WWOX: variants seen among roughly 807,000 people sequenced by gnomAD.
WWOX encodes WW domain-containing oxidoreductase.
In WWOX, 69 loss-of-function variants were observed where a neutral mutation model predicts 46.2. The observed-to-expected ratio is 1.49, with a 90% CI of 1.23 to 1.82. WWOX has a LOEUF of 1.82. WWOX is among the 40% of genes most tolerant of loss of function. WWOX has a pLI of 0.00. For missense variants in WWOX, 919 were observed against 542.6 expected (o/e 1.69, Z -6.89); for synonymous variants, 359 against 202.6 (o/e 1.77, Z -6.56).
At chr16:78,588,300 C>T (rs897558746) in intron 8 of WWOX, among the ~76,000 whole-genome samples, 16 of 152,090 alleles carry the variant, frequency 1.1e-4, no homozygotes, top group South Asian at 8.3e-4. Context: ...GTTTTGGGTG[C>T]GGATAATGGA....
intron 5 of WWOX, among the ~76,000 whole-genome samples, chr16:78,323,099 C>G (rs1165590020): frequency 6.6e-6 from 1 of 151,770 alleles, no homozygotes; most frequent in Non-Finnish European, 1.5e-5. Flanking sequence ...ATTTGGGGTT[C>G]TTGTATTTTT....
At chr16:78,391,121 C>T (rs866366670) in intron 6 of WWOX, among the ~76,000 whole-genome samples, 20 of 152,270 alleles carry the variant, frequency 1.3e-4, no homozygotes, top group African/African-American at 3.4e-4. Flanking sequence ...TGGAACCACC[C>T]GCCGTCTGCC....
chr16:78,487,407 A>T (rs2084665106), intron 8 of WWOX, among the ~76,000 whole-genome samples: 1 of 152,150 alleles, frequency 6.6e-6, no homozygotes, highest in South Asian at 2.1e-4. Flanking sequence ...GAGATCTATT[A>T]AGGATGAGTC....
intron 6 of WWOX, among the ~76,000 whole-genome samples, chr16:78,413,688 G>A (rs942069639): frequency 2.1e-4 from 32 of 152,022 alleles, no homozygotes; most frequent in African/African-American, 7.2e-4. Flanking sequence ...CTTAGCCTGG[G>A]CTCAGAGGCC....
At chr16:78,645,266 C>T (rs7190562) in intron 8 of WWOX, among the ~76,000 whole-genome samples, 10,825 of 152,080 alleles carry the variant, frequency 0.071, 1,266 homozygotes, top group African/African-American at 0.25. Context: ...TATAAATGCT[C>T]CTTTCTCAGA....
At chr16:78,850,555 C>A (rs543445559) in intron 8 of WWOX, among the ~76,000 whole-genome samples, 1 of 152,094 alleles carries the variant, frequency 6.6e-6, no homozygotes, top group African/African-American at 2.4e-5. Flanking sequence ...GTATATAATG[C>A]TGTTTAGTCC....
intron 8 of WWOX, among the ~76,000 whole-genome samples, chr16:79,039,798 C>T (rs201736495): frequency 6.6e-6 from 1 of 152,148 alleles, no homozygotes; most frequent in Admixed American, 6.6e-5. Flanking sequence ...TTCTCTGAAC[C>T]TTTTTGCGTG....
intron 8 of WWOX, among the ~76,000 whole-genome samples, chr16:78,685,909 AAAAAG>A (rs2047845617): frequency 6.7e-6 from 1 of 148,974 alleles, no homozygotes; most frequent in Admixed American, 6.7e-5. Flanking sequence ...AACAAAAAAG[AAAAAG>A]AAAAAAGAGA....
chr16:78,911,793 G>T (rs1597140117), intron 8 of WWOX, among the ~76,000 whole-genome samples: 1 of 152,056 alleles, frequency 6.6e-6, no homozygotes, highest in African/African-American at 2.4e-5. Context: ...TTGAACCCGG[G>T]AAGCGGAGGT....
intron 8 of WWOX, among the ~76,000 whole-genome samples, chr16:78,734,597 C>G (rs562877980): frequency 6.6e-6 from 1 of 152,006 alleles, no homozygotes; most frequent in Non-Finnish European, 1.5e-5. Context: ...GGTTAGTTTC[C>G]TGTTTCAACT....
chr16:78,533,954 A>C (rs1342270180), intron 8 of WWOX, among the ~76,000 whole-genome samples: 1 of 152,208 alleles, frequency 6.6e-6, no homozygotes, highest in African/African-American at 2.4e-5. Context: ...ACAGAGTAGT[A>C]ACCCTACATT....
chr16:79,035,764 C>G (rs866310332), intron 8 of WWOX, among the ~76,000 whole-genome samples: 1 of 151,412 alleles, frequency 6.6e-6, no homozygotes, highest in African/African-American at 2.4e-5. Context: ...GTGTCAAACT[C>G]CTGATCTCAG....
chr16:78,514,161 TAG>T (rs935864673), intron 8 of WWOX, among the ~76,000 whole-genome samples: 5 of 152,152 alleles, frequency 3.3e-5, no homozygotes, highest in African/African-American at 1.2e-4. Context: ...GAAAAAAACT[TAG>T]AGAGTGACTT....
At chr16:78,895,062 G>A (rs2044672250) in intron 8 of WWOX, among the ~76,000 whole-genome samples, 1 of 152,164 alleles carries the variant, frequency 6.6e-6, no homozygotes, top group African/African-American at 2.4e-5. Flanking sequence ...GTACGATTAG[G>A]AAAACAAACA....
chr16:79,003,112 C>G (rs1025869151), intron 8 of WWOX, among the ~76,000 whole-genome samples: 9 of 152,172 alleles, frequency 5.9e-5, no homozygotes, highest in African/African-American at 9.7e-5. Context: ...CCAGAACCCT[C>G]TTTTGCAGTG....
At position 79,132,621 on chromosome 16, in the gene WWOX, G is replaced by A. The variant is rs546841636; in HGVS notation, c.1057-78987G>A. On this transcript the variant is annotated intron_variant, in intron 8 of 8. Transcript: ENST00000566780. Reference sequence around the variant, plus strand: ...TGTCTCTCTTTTTCCCTCAAACATCGCTTTTCTTTTTTTAAAACAAGAATA... The same window carrying A: ...TGTCTCTCTTTTTCCCTCAAACATCACTTTTCTTTTTTTAAAACAAGAATA... Among the ~76,000 whole-genome samples, 4 of 151,564 alleles carry A rather than the reference G, an allele frequency of 2.6e-5. No homozygotes were observed. In the East Asian group the frequency reaches 5.8e-4, roughly 22 times the overall value.
intron 8 of WWOX, among the ~76,000 whole-genome samples, chr16:78,836,523 A>G (rs928293992): frequency 7.9e-5 from 12 of 152,170 alleles, no homozygotes; most frequent in Admixed American, 2.0e-4. Flanking sequence ...GCCCCTTGCC[A>G]TGTTTAGTAA....
chr16:78,677,364 C>G (rs954539697), intron 8 of WWOX, among the ~76,000 whole-genome samples: 1 of 152,304 alleles, frequency 6.6e-6, no homozygotes, highest in Non-Finnish European at 1.5e-5. Context: ...CCTGAAAACA[C>G]TGTTTAAATA....
intron 8 of WWOX, among the ~76,000 whole-genome samples, chr16:78,814,463 C>G (rs1267328513): frequency 6.6e-6 from 1 of 151,158 alleles, no homozygotes; most frequent in Non-Finnish European, 1.5e-5. Flanking sequence ...ACCAAGAAGC[C>G]TCTCTTGAAA....
Sources: gnomAD v4.1 joint callset for allele counts (sites outside exome capture counted in the v4.1 genomes callset) on GRCh38, gnomAD v4.1.1 for gene constraint, MANE v1.5 for transcripts, NCBI Gene and HGNC (gene_info 2026-07-23, HGNC 2026-07-21) for gene names.